ROCK1: variants seen among roughly 807,000 people sequenced by gnomAD.
The protein encoded by ROCK1 is rho-associated protein kinase 1.
A neutral mutation model predicts 196.8 loss-of-function variants in ROCK1; 36 were observed. The ratio of observed to expected loss-of-function variants is 0.18; its 90% confidence interval spans 0.14 to 0.24. The LOEUF is 0.24. Ranked by LOEUF, ROCK1 falls within the 10% of genes least tolerant of loss-of-function variation. ROCK1 has a pLI of 1.00. For missense variants in ROCK1, 920 were observed against 1,562.0 expected, an observed-to-expected ratio of 0.59 and a Z score of 6.93; for synonymous variants, 443 against 515.9, an observed-to-expected ratio of 0.86 and a Z score of 1.91.
chr18:20,951,508 A>G (rs1176282985), intron 32 of ROCK1, 121 bp from the exon 33 acceptor site: 1 of 705,102 alleles, frequency 1.4e-6, no homozygotes, highest in African/African-American at 1.8e-5. Flanking sequence ...TAACAATTAC[A>G]CAAAATTTGG....
intron 10 of ROCK1, among the ~76,000 whole-genome samples, chr18:21,025,169 T>C (rs1196340965): frequency 6.6e-6 from 1 of 152,210 alleles, no homozygotes; most frequent in East Asian, 1.9e-4. Flanking sequence ...TCAAGGTACA[T>C]TTGCATATTA....
intron 16 of ROCK1, among the ~76,000 whole-genome samples, chr18:20,995,431 G>C (rs893109699): frequency 2.6e-5 from 4 of 152,166 alleles, no homozygotes; most frequent in Non-Finnish European, 5.9e-5. Context: ...CCAACAATCA[G>C]CTTAGTGATA....
rs1162227042 is a variant in ROCK1, at chr18:20,951,234, T to A, written c.*150A>T. On this transcript the variant is annotated 3_prime_UTR_variant, in exon 33 of 33. Coordinates refer to ENST00000399799, the MANE Select transcript of ROCK1 (RefSeq NM_005406.3). ...AATAAAAAAAACCCTCAGTGTGTTG[T>A]GCCAAAGCAAGGACAGAAAAACAGC... is the stretch of plus-strand genomic sequence containing the variant. The A allele has an allele frequency of 5.0e-6, 3 of 605,396 alleles. No homozygotes were observed. In the Admixed American group the frequency reaches 9.7e-5, roughly 20 times the overall value. The allele number at this position is 605,396 out of a possible 1,614,324, so 37.5% of individuals were successfully genotyped here.
rs1434907994 is a variant in ROCK1 at position 21,044,089 on chromosome 18, C to A, written c.675+13G>T. The A allele has an allele frequency of 1.1e-5, 16 of 1,490,402 alleles. No homozygotes were observed. The highest frequency in any genetic ancestry group is 4.6e-5 in the South Asian group (4 of 86,284). The allele number at this position is 1,490,402 out of a possible 1,614,324, so 92.3% of individuals were successfully genotyped here. A position where few individuals can be genotyped will look rare whatever the true frequency, so the allele number is the denominator to read the frequency against. ...GAATTAGCAAAAACTAAATTAAAAT[C>A]TAGTTAATTAACCTTATTCATCTTC... On this transcript the variant is annotated intron_variant, in intron 6 of 32. Transcript: ENST00000399799.
At chr18:21,029,948 A>AT (rs1000905733) in intron 9 of ROCK1, among the ~76,000 whole-genome samples, 1 of 152,062 alleles carries the variant, frequency 6.6e-6, no homozygotes, top group Non-Finnish European at 1.5e-5. Flanking sequence ...AAAGGAATCA[A>AT]TTTTCTTTTC....
intron 1 of ROCK1, among the ~76,000 whole-genome samples, chr18:21,104,545 C>T (rs2036687215): frequency 1.3e-5 from 2 of 152,196 alleles, no homozygotes; most frequent in South Asian, 2.1e-4. Flanking sequence ...TGCAGTAAGC[C>T]AAGATAGCGC....
chr18:21,041,946 G>C, intron 8 of ROCK1, 151 bp downstream of exon 8: 1 of 660,780 alleles, frequency 1.5e-6, no homozygotes. Context: ...ATCTACAAAA[G>C]ACATCTAGAA....
At chr18:20,994,376 G>A (rs1015395492) in intron 16 of ROCK1, among the ~76,000 whole-genome samples, 2 of 152,162 alleles carry the variant, frequency 1.3e-5, no homozygotes, top group African/African-American at 4.8e-5. Flanking sequence ...GTTCATGCCT[G>A]TAATCTCAGC....
intron 13 of ROCK1, among the ~76,000 whole-genome samples, chr18:21,012,866 T>A (rs2035830837): frequency 6.6e-6 from 1 of 152,220 alleles, no homozygotes; most frequent in African/African-American, 2.4e-5. Flanking sequence ...TTTCTATTTT[T>A]CTTTGTTGAA....
chr18:21,024,594 T>G (rs2035941083), intron 10 of ROCK1, among the ~76,000 whole-genome samples: 1 of 152,196 alleles, frequency 6.6e-6, no homozygotes, highest in Non-Finnish European at 1.5e-5. Context: ...ATTGGAGGCA[T>G]GTGTTAACAC....
chr18:21,095,627 A>G (rs1208359367), intron 1 of ROCK1, among the ~76,000 whole-genome samples: 3 of 152,008 alleles, frequency 2.0e-5, no homozygotes, highest in Non-Finnish European at 4.4e-5. Flanking sequence ...ACATGTTCCC[A>G]TTCATTTGTG....
rs1035162473 is a variant in ROCK1 at position 21,050,025 on chromosome 18, C to A, written c.176-145G>T. Reference sequence around the variant, plus strand: ...TTTGAAAATATGGTGAAACTTGAAGCTATAAAGTAGCTAAATGTTCAATTT... The same window carrying A: ...TTTGAAAATATGGTGAAACTTGAAGATATAAAGTAGCTAAATGTTCAATTT... On this transcript the variant is annotated intron_variant, in intron 2 of 32. Transcript: ENST00000399799. 6.1e-6 allele frequency: 3 copies of A among 493,622 alleles called. No individual in the cohort carries two copies. In the Admixed American group the frequency reaches 1.3e-4, roughly 21 times the overall value. The allele number at this position is 493,622 out of a possible 1,614,324, so 30.6% of individuals were successfully genotyped here.
chr18:21,019,797 TA>T (rs74444752), intron 12 of ROCK1, among the ~76,000 whole-genome samples: 516 of 132,470 alleles, frequency 3.9e-3, no homozygotes, highest in Middle Eastern at 0.012. Context: ...GACTCCATCT[TA>T]AAAAAAAAAA....
intron 9 of ROCK1, among the ~76,000 whole-genome samples, chr18:21,034,163 T>C (rs2143489605): frequency 6.6e-6 from 1 of 152,000 alleles, no homozygotes; most frequent in Middle Eastern, 3.4e-3. Context: ...CTTAAATAAA[T>C]GGGGACACAT....
chr18:21,076,314 G>C (rs2036430849), intron 1 of ROCK1, among the ~76,000 whole-genome samples: 1 of 152,086 alleles, frequency 6.6e-6, no homozygotes, highest in Non-Finnish European at 1.5e-5. Flanking sequence ...GACCAGCCTG[G>C]CTAATACGGT....
At chr18:20,979,565 T>A (rs1397318471) in intron 22 of ROCK1, among the ~76,000 whole-genome samples, 2 of 151,482 alleles carry the variant, frequency 1.3e-5, no homozygotes, top group African/African-American at 4.9e-5. Context: ...GAAGTTGCAG[T>A]GAGCCGAGAT....
chr18:21,082,459 C>A (rs2036490714), intron 1 of ROCK1, among the ~76,000 whole-genome samples: 1 of 151,996 alleles, frequency 6.6e-6, no homozygotes, highest in Non-Finnish European at 1.5e-5. Flanking sequence ...TAGAATATAG[C>A]ACATATGAGA....
intron 1 of ROCK1, among the ~76,000 whole-genome samples, chr18:21,106,405 C>A (rs28656187): frequency 0.018 from 2,678 of 152,302 alleles, 94 homozygotes; most frequent in African/African-American, 0.062. Context: ...TAGGCTCAAG[C>A]AATTCTCTGG....
At chr18:21,038,975 T>C (rs1285111668) in intron 9 of ROCK1, among the ~76,000 whole-genome samples, 1 of 152,226 alleles carries the variant, frequency 6.6e-6, no homozygotes, top group African/African-American at 2.4e-5. Flanking sequence ...GTTTCTGAAT[T>C]GCCAGCTGCA....
Sources: gnomAD v4.1 joint callset for allele counts (sites outside exome capture counted in the v4.1 genomes callset) on GRCh38, gnomAD v4.1.1 for gene constraint, MANE v1.5 for transcripts, NCBI Gene and HGNC (gene_info 2026-07-23, HGNC 2026-07-21) for gene names.